Variants in ERC2 observed in about 807,000 individuals in gnomAD.
ERC2 encodes ERC protein 2.
Under a neutral mutation model 114.8 loss-of-function variants are expected in ERC2, and 42 were observed. The observed-to-expected ratio is 0.37, with a 90% CI of 0.29 to 0.47. The LOEUF is 0.47. Among genes scored for constraint, ERC2 ranks in the 20% least tolerant of loss-of-function variants. The probability of loss-of-function intolerance (pLI) is 0.99; values close to 1 mark genes in which losing one functional copy is unlikely to be tolerated. For synonymous variants in ERC2, 454 were observed against 425.5 expected (o/e 1.07, Z -0.82); for missense variants, 939 against 1,150.7 (o/e 0.82, Z 2.66).
intron 1 of ERC2, among the ~76,000 whole-genome samples, chr3:56,441,686 C>T (rs1382070377): frequency 6.6e-6 from 1 of 151,948 alleles, no homozygotes; most frequent in Non-Finnish European, 1.5e-5. Context: ...CTCACTGCAA[C>T]CTCCGCCTCC....
chr3:56,111,709 C>G (rs2078974069), intron 6 of ERC2, among the ~76,000 whole-genome samples: 1 of 152,156 alleles, frequency 6.6e-6, no homozygotes, highest in Non-Finnish European at 1.5e-5. Context: ...CTGGTTTTAC[C>G]TAACTTTACA....
At chr3:56,151,591 A>G (rs2081413607) in intron 4 of ERC2, among the ~76,000 whole-genome samples, 1 of 152,216 alleles carries the variant, frequency 6.6e-6, no homozygotes, top group Non-Finnish European at 1.5e-5. Flanking sequence ...AATAAAAAGC[A>G]AGTAAAATGG....
At chr3:56,030,444 C>A (rs1042482750) in intron 7 of ERC2, among the ~76,000 whole-genome samples, 2 of 151,960 alleles carry the variant, frequency 1.3e-5, no homozygotes, top group African/African-American at 4.8e-5. Context: ...ATTGTGAATT[C>A]GTTTATTTTA....
chr3:55,720,847 T>A (rs2064502898), intron 15 of ERC2, among the ~76,000 whole-genome samples: 1 of 152,202 alleles, frequency 6.6e-6, no homozygotes, highest in South Asian at 2.1e-4. Flanking sequence ...GCCCCATCTT[T>A]CCACCTCACA....
intron 7 of ERC2, among the ~76,000 whole-genome samples, chr3:56,044,290 A>G (rs1560079231): frequency 6.6e-6 from 1 of 152,142 alleles, no homozygotes; most frequent in Non-Finnish European, 1.5e-5. Context: ...TATTTAAATT[A>G]CTTCAAGTTG....
chr3:56,353,614 T>G (rs898644959), intron 2 of ERC2, among the ~76,000 whole-genome samples: 1 of 126,874 alleles, frequency 7.9e-6, no homozygotes, highest in Non-Finnish European at 1.6e-5. Context: ...ATGAGAACAC[T>G]TGGACACAGG....
At position 56,312,573 on chromosome 3, in the gene ERC2, A is replaced by G. The variant is rs563505178; in HGVS notation, c.658-16138T>C. Among the ~76,000 whole-genome samples the G allele has an allele frequency of 3.9e-5, 6 of 152,334 alleles. No individual in the cohort carries two copies. The South Asian group carries it at 1.2e-3, about 32-fold the overall frequency. ...CATTCTATGCATGTAACAAAATACCACATGTATCCCATAAATATGTTAAAT... is the reference window on the plus strand; with the variant it reads ...CATTCTATGCATGTAACAAAATACCGCATGTATCCCATAAATATGTTAAAT... On this transcript the variant is annotated intron_variant, in intron 2 of 17. Coordinates refer to ENST00000288221, the MANE Select transcript of ERC2 (RefSeq NM_015576.3).
At chr3:56,109,668 T>C (rs1268877053) in intron 6 of ERC2, among the ~76,000 whole-genome samples, 1 of 152,104 alleles carries the variant, frequency 6.6e-6, no homozygotes, top group Non-Finnish European at 1.5e-5. Flanking sequence ...TCCTGCTAAG[T>C]AAAGAATGTA....
chr3:56,069,870 A>C (rs2076647221), intron 7 of ERC2, among the ~76,000 whole-genome samples: 3 of 152,198 alleles, frequency 2.0e-5, no homozygotes, highest in African/African-American at 7.2e-5. Context: ...CAGTCTGTTT[A>C]AAGCAGTTAC....
At chr3:55,594,747 G>C (rs539988918) in intron 17 of ERC2, among the ~76,000 whole-genome samples, 3 of 152,272 alleles carry the variant, frequency 2.0e-5, no homozygotes, top group Middle Eastern at 3.4e-3. Flanking sequence ...GCCTCCTAAA[G>C]TGCTAGGATT....
At chr3:55,524,016 C>T (rs2053140525) in intron 17 of ERC2, among the ~76,000 whole-genome samples, 1 of 152,210 alleles carries the variant, frequency 6.6e-6, no homozygotes, top group South Asian at 2.1e-4. Flanking sequence ...CACTTAACCT[C>T]TCTGAGCCTC....
intron 2 of ERC2, among the ~76,000 whole-genome samples, chr3:56,308,105 C>T (rs1343369782): frequency 1.3e-5 from 2 of 152,172 alleles, no homozygotes; most frequent in East Asian, 1.9e-4. Context: ...CTCACATCCA[C>T]CACTCACTCA....
At chr3:55,713,739 C>T (rs1399594286) in intron 15 of ERC2, among the ~76,000 whole-genome samples, 2 of 152,162 alleles carry the variant, frequency 1.3e-5, no homozygotes, top group Non-Finnish European at 2.9e-5. Context: ...GGCAACCTCC[C>T]TATAGAGGTG....
chr3:56,430,736 C>A (rs2061755904), intron 2 of ERC2, among the ~76,000 whole-genome samples: 1 of 152,172 alleles, frequency 6.6e-6, no homozygotes, highest in South Asian at 2.1e-4. Context: ...CTGCAGTGAG[C>A]CAGTATCGCA....
intron 14 of ERC2, among the ~76,000 whole-genome samples, chr3:55,783,005 C>T (rs1303774323): frequency 1.3e-5 from 2 of 152,156 alleles, no homozygotes; most frequent in Admixed American, 1.3e-4. Flanking sequence ...ACTCCAGAGC[C>T]GGAAACAGCT....
intron 14 of ERC2, among the ~76,000 whole-genome samples, chr3:55,776,469 A>G (rs1354490655): frequency 6.6e-6 from 1 of 152,172 alleles, no homozygotes; most frequent in Non-Finnish European, 1.5e-5. Context: ...AGTGGAGACG[A>G]TGGGACTAAG....
chr3:56,165,427 G>T (rs1383102437), intron 4 of ERC2, among the ~76,000 whole-genome samples: 1 of 151,032 alleles, frequency 6.6e-6, no homozygotes, highest in Non-Finnish European at 1.5e-5. Context: ...CTATTAACTC[G>T]TCATCTAGCA....
chr3:56,333,110 C>G (rs938384853), intron 2 of ERC2, among the ~76,000 whole-genome samples: 1 of 152,202 alleles, frequency 6.6e-6, no homozygotes, highest in Non-Finnish European at 1.5e-5. Context: ...AGTCAGTTAA[C>G]TGGACACTAC....
At chr3:55,553,899 T>C (rs1216301017) in intron 17 of ERC2, among the ~76,000 whole-genome samples, 2 of 152,220 alleles carry the variant, frequency 1.3e-5, no homozygotes, top group Non-Finnish European at 2.9e-5. Flanking sequence ...TTAATAGTCA[T>C]AGAACTAACT....
Sources: allele counts gnomAD v4.1 joint callset (sites outside exome capture counted in the v4.1 genomes callset), GRCh38; gene constraint gnomAD v4.1.1; transcripts MANE v1.5; gene names NCBI Gene and HGNC (gene_info 2026-07-23, HGNC 2026-07-21).